The following ENDOD1 variants were observed in gnomAD, a reference collection of about 807,000 sequenced individuals.
The protein encoded by ENDOD1 is endonuclease domain-containing 1 protein.
ENDOD1 carries 9 observed loss-of-function variants against 6.5 expected under a neutral mutation model. The ratio of observed to expected loss-of-function variants is 1.39; its 90% CI spans 0.84 to 2.43. The LOEUF (loss-of-function observed/expected upper bound fraction) is 2.43. Among genes scored for constraint, ENDOD1 ranks in the 30% most tolerant of loss-of-function variants. The pLI, the probability that ENDOD1 is intolerant of heterozygous loss-of-function variation, is 0.00. For missense variants in ENDOD1, 648 were observed against 635.5 expected (o/e 1.02, Z -0.21); for synonymous variants, 255 against 255.2 (o/e 1.00, Z 0.01).
rs773335310 is a variant in ENDOD1 at position 95,129,140 on chromosome 11, A to G, written c.1064A>G (p.Lys355Arg). The G allele has an allele frequency of 1.2e-6, 2 of 1,614,158 alleles. No individual in the cohort carries two copies. The highest frequency in any genetic ancestry group is 1.7e-6 in the Non-Finnish European group (2 of 1,180,026). Residue 355 changes from lysine (K) to arginine (R), a missense_variant, in exon 2 of 2, where the codon AAG (lysine) becomes AGG (arginine). Physicochemically the swap from Lys to Arg is conservative, Grantham distance 26. Transcript: ENST00000278505. ...TATTACCTTGTGGTAGCAATCCTGA[A>G]GAACATTGTCTATTTCCTGTGGTGT... is the stretch of plus-strand genomic sequence containing the variant. ...LIYYLVVAIL[K>R]NIVYFLWCVT...
chr11:95,093,266 T>C (rs1227916798), intron 1 of ENDOD1, among the ~76,000 whole-genome samples: 7 of 152,376 alleles, frequency 4.6e-5, no homozygotes, highest in Middle Eastern at 3.4e-3. Flanking sequence ...TTTTATGTTC[T>C]AGCATTATCC....
intron 1 of ENDOD1, among the ~76,000 whole-genome samples, chr11:95,106,317 G>A (rs1294219955): frequency 2.0e-5 from 3 of 152,190 alleles, no homozygotes; most frequent in South Asian, 2.1e-4. Context: ...AGCATCCCCA[G>A]CTGGTAGTGA....
chr11:95,113,880 C>G (rs1412087294), intron 1 of ENDOD1, among the ~76,000 whole-genome samples: 3 of 152,134 alleles, frequency 2.0e-5, no homozygotes, highest in Non-Finnish European at 4.4e-5. Context: ...AATTTACTTT[C>G]CCACCAACAG....
In ENDOD1 at chr11:95,131,916, C is replaced by T. The variant is rs1215461403; in HGVS notation, c.*2337C>T. 1.3e-5 allele frequency: 2 copies of T among 152,046 alleles called. No homozygotes were observed. The highest frequency in any genetic ancestry group is 4.8e-5 in the African/African-American group (2 of 41,374). 9.4% of individuals were successfully genotyped at this position (152,046 alleles called of 1,614,324 possible). On this transcript the variant is annotated 3_prime_UTR_variant, in exon 2 of 2. Coordinates refer to ENST00000278505, the MANE Select transcript of ENDOD1 (RefSeq NM_015036.3). The stretch of plus-strand genomic sequence containing the variant: ...TGAAACCTAAAAAGGGACAATAAAG[C>T]AAAAAGTATCAGTAAGGATAGGTGG...
intron 1 of ENDOD1, among the ~76,000 whole-genome samples, chr11:95,098,823 A>G (rs1428944581): frequency 3.9e-5 from 6 of 152,210 alleles, no homozygotes; most frequent in African/African-American, 1.4e-4. Context: ...TACACAGCTA[A>G]GAAGAGGTGG....
intron 1 of ENDOD1, among the ~76,000 whole-genome samples, chr11:95,096,322 T>G (rs1555110321): frequency 1.5e-5 from 2 of 133,520 alleles, no homozygotes. Flanking sequence ...TTCATGAAAC[T>G]TAACATCTGT....
At chr11:95,123,291 T>G (rs2134173840) in intron 1 of ENDOD1, among the ~76,000 whole-genome samples, 1 of 151,566 alleles carries the variant, frequency 6.6e-6, no homozygotes, top group Non-Finnish European at 1.5e-5. Context: ...TTTTTTTTTT[T>G]GACAACTCCA....
At chr11:95,126,120 G>C (rs1336209661) in intron 1 of ENDOD1, among the ~76,000 whole-genome samples, 2 of 152,114 alleles carry the variant, frequency 1.3e-5, no homozygotes, top group East Asian at 1.9e-4. Context: ...GAATGAGTAG[G>C]GTCAACCGAT....
intron 1 of ENDOD1, among the ~76,000 whole-genome samples, chr11:95,100,865 G>GTTTTTTTTTTTTTTTTTTTT (rs34680715): frequency 2.8e-5 from 2 of 72,292 alleles, no homozygotes; most frequent in Non-Finnish European, 4.7e-5. Context: ...CCTGCTGGGT[G>GTTTTTTTTTTTTTTTTTTTT]TTTTTTTTTT....
chr11:95,113,933 T>C (rs551632535), intron 1 of ENDOD1, among the ~76,000 whole-genome samples: 17 of 152,240 alleles, frequency 1.1e-4, no homozygotes, highest in Non-Finnish European at 2.1e-4. Context: ...CCAGCATTTG[T>C]TATTGCCTAT....
chr11:95,124,361 T>C (rs1565448951), intron 1 of ENDOD1, among the ~76,000 whole-genome samples: 1 of 152,208 alleles, frequency 6.6e-6, no homozygotes, highest in Non-Finnish European at 1.5e-5. Flanking sequence ...TCAAAAAATA[T>C]TAGTCTCCAA....
intron 1 of ENDOD1, among the ~76,000 whole-genome samples, chr11:95,094,789 C>A (rs891916268): frequency 1.3e-5 from 2 of 152,354 alleles, no homozygotes; most frequent in African/African-American, 2.4e-5. Flanking sequence ...GTGAACAGGA[C>A]AATCCTGATT....
rs1859381204 is a variant in ENDOD1, at chr11:95,132,543, A to AG, written c.*2967dup. 6.6e-6 allele frequency: 1 copy of AG among 152,248 alleles called. No homozygotes were observed. The highest frequency in any genetic ancestry group is 2.4e-5 in the African/African-American group (1 of 41,472). 9.4% of individuals were successfully genotyped at this position (152,248 alleles called of 1,614,324 possible). On this transcript the variant is annotated 3_prime_UTR_variant, in exon 2 of 2. Transcript: ENST00000278505. The stretch of plus-strand genomic sequence containing the variant: ...GAAAAACCACGAAACCATGGAAATT[A>AG]GGGAAGCCTTTACAGAGGGTGTGAC...
chr11:95,114,100 T>C (rs1555112227), intron 1 of ENDOD1, among the ~76,000 whole-genome samples: 3 of 152,184 alleles, frequency 2.0e-5, no homozygotes, highest in African/African-American at 7.2e-5. Context: ...AATCTTTTGC[T>C]CATTTTTTAT....
chr11:95,123,855 GA>G (rs1272687465), intron 1 of ENDOD1, among the ~76,000 whole-genome samples: 1 of 152,110 alleles, frequency 6.6e-6, no homozygotes, highest in Non-Finnish European at 1.5e-5. Flanking sequence ...CCTGAACTGA[GA>G]AAATAACTCA....
intron 1 of ENDOD1, among the ~76,000 whole-genome samples, chr11:95,092,009 A>G (rs1355358601): frequency 6.6e-6 from 1 of 152,192 alleles, no homozygotes; most frequent in Admixed American, 6.5e-5. Flanking sequence ...GACCTAAGCA[A>G]AAAACCATAA....
At chr11:95,112,425 C>T (rs1390374463) in intron 1 of ENDOD1, among the ~76,000 whole-genome samples, 1 of 152,198 alleles carries the variant, frequency 6.6e-6, no homozygotes, top group Non-Finnish European at 1.5e-5. Context: ...ATCTGAGTTT[C>T]AGTTTTCCCA....
At chr11:95,108,528 G>C (rs372063737) in intron 1 of ENDOD1, among the ~76,000 whole-genome samples, 5,087 of 111,510 alleles carry the variant, frequency 0.046, 108 homozygotes, top group Non-Finnish European at 0.052. Flanking sequence ...CACACACACA[G>C]ACACCCAAAA....
intron 1 of ENDOD1, among the ~76,000 whole-genome samples, chr11:95,108,534 C>CACACACACAAAA (rs1176686943): frequency 7.1e-6 from 1 of 141,756 alleles, no homozygotes; most frequent in African/African-American, 2.5e-5. Flanking sequence ...CACAGACACC[C>CACACACACAAAA]AAAAAAAGAA....
Sources: gnomAD v4.1 joint callset for allele counts (sites outside exome capture counted in the v4.1 genomes callset) on GRCh38, gnomAD v4.1.1 for gene constraint, MANE v1.5 for transcripts, NCBI Gene and HGNC (gene_info 2026-07-23, HGNC 2026-07-21) for gene names.